Variants in NBAS observed in about 807,000 individuals in gnomAD.
NBAS encodes the protein NAG/BC035112 fusion.
A neutral mutation model predicts 302.5 loss-of-function variants in NBAS; 219 were observed. That is an observed-to-expected ratio of 0.72 (90% CI 0.65 to 0.81). NBAS has a LOEUF of 0.81. Among genes scored for constraint, NBAS ranks in the 30% least tolerant of loss-of-function variants. The pLI is 0.00. For synonymous variants in NBAS, 1,118 were observed against 1,021.6 expected, an observed-to-expected ratio of 1.09 and a Z score of -1.80; for missense variants, 2,932 against 2,841.6, an observed-to-expected ratio of 1.03 and a Z score of -0.72.
intron 19 of NBAS, among the ~76,000 whole-genome samples, chr2:15,464,142 T>C (rs903951646): frequency 3.9e-5 from 6 of 152,090 alleles, no homozygotes; most frequent in South Asian, 2.1e-4. Context: ...ACCTAAAAAA[T>C]TGACAAACTC....
chr2:15,272,497 G>A (rs548722101), intron 44 of NBAS, among the ~76,000 whole-genome samples: 1 of 152,180 alleles, frequency 6.6e-6, no homozygotes, highest in East Asian at 1.9e-4. Context: ...ATATAGGGCA[G>A]CATTGTGTGC....
chr2:15,469,551 G>A (rs995428994), intron 16 of NBAS, among the ~76,000 whole-genome samples: 4 of 152,000 alleles, frequency 2.6e-5, no homozygotes, highest in Non-Finnish European at 5.9e-5. Context: ...TGTTTATAGC[G>A]ACACTACTCA....
the NBAS span, among the ~76,000 whole-genome samples, chr2:14,822,817 TAAAACG>T: frequency 6.6e-6 from 1 of 152,234 alleles, no homozygotes; most frequent in Admixed American, 6.5e-5. Flanking sequence ...TTAAAATCAC[TAAAACG>T]AGGCTATCAC....
rs1667709473 is a variant in NBAS at position 15,238,522 on chromosome 2, G to A, written c.5889C>T (p.Ala1963=). The part of the protein sequence containing the change: ...DTLNHLEKSL[A]HLETLSHSFI... ...AGCTGTGGCTCAGGGTTTCCAGGTG[G>A]GCAAGTGATTTCTCCAGATGATTCA... The change falls in exon 45 of 52, where the codon GCC becomes GCT. Residue 1963 remains alanine, a synonymous_variant. Coordinates refer to ENST00000281513, the MANE Select transcript of NBAS (RefSeq NM_015909.4). 1.9e-6 allele frequency: 3 copies of A among 1,613,998 alleles called. No individual in the cohort carries two copies. The highest frequency in any genetic ancestry group is 1.3e-5 in the African/African-American group (1 of 74,922).
the NBAS span, among the ~76,000 whole-genome samples, chr2:14,879,748 A>G: frequency 2.0e-5 from 3 of 152,226 alleles, no homozygotes; most frequent in South Asian, 6.2e-4. Context: ...TGTAAGCAGT[A>G]AAATAAAGAT....
chr2:14,909,303 G>C, the NBAS span, among the ~76,000 whole-genome samples: 2 of 127,282 alleles, frequency 1.6e-5, no homozygotes, highest in Non-Finnish European at 3.2e-5. Flanking sequence ...CTGGGTGACA[G>C]AGCGAGACTC....
intron 44 of NBAS, among the ~76,000 whole-genome samples, chr2:15,263,608 T>G (rs889441123): frequency 1.3e-5 from 2 of 152,218 alleles, no homozygotes; most frequent in Non-Finnish European, 2.9e-5. Context: ...TTATTTCATG[T>G]TTTTATTAAA....
At chr2:15,332,007 T>C (rs1672377815) in intron 35 of NBAS, among the ~76,000 whole-genome samples, 2 of 151,808 alleles carry the variant, frequency 1.3e-5, no homozygotes, top group African/African-American at 2.4e-5. Flanking sequence ...GCAGGAGAGA[T>C]TTGAAGCAGG....
intron 16 of NBAS, among the ~76,000 whole-genome samples, chr2:15,470,805 C>T (rs972708385): frequency 5.9e-5 from 9 of 151,966 alleles, no homozygotes; most frequent in African/African-American, 2.2e-4. Flanking sequence ...ACTAAAAATA[C>T]AAAAATTAGC....
chr2:15,366,628 T>G lies in NBAS; in HGVS notation c.3769A>C (p.Lys1257Gln). The change falls in exon 32 of 52, where the codon AAA (lysine) becomes CAA (glutamine). Residue 1257 changes from lysine to glutamine, a missense_variant. Coordinates refer to ENST00000281513, the MANE Select transcript of NBAS (RefSeq NM_015909.4). ...AGGCCCAGAAGCTTGGTGGATTGTT[T>G]ATAGCATGTGGGGGACTGGGAAATA... ...ECISQSPTCY[K>Q]QSTKLLGLAE... 6.2e-7 allele frequency: 1 copy of G among 1,614,104 alleles called. No individual in the cohort carries two copies. The highest frequency in any genetic ancestry group is 8.5e-7 in the Non-Finnish European group (1 of 1,180,002).
At chr2:14,858,358 C>G in the NBAS span, among the ~76,000 whole-genome samples, 1 of 152,110 alleles carries the variant, frequency 6.6e-6, no homozygotes, top group Admixed American at 6.6e-5. Context: ...GATATCTGCA[C>G]TCCATATTCA....
chr2:15,325,327 T>A (rs999843981), intron 38 of NBAS, among the ~76,000 whole-genome samples: 2 of 152,140 alleles, frequency 1.3e-5, no homozygotes, highest in Admixed American at 6.6e-5. Flanking sequence ...AAGCATGCAA[T>A]AACATTATGT....
At chr2:15,385,650 G>A (rs1675255205) in intron 28 of NBAS, among the ~76,000 whole-genome samples, 1 of 152,244 alleles carries the variant, frequency 6.6e-6, no homozygotes, top group South Asian at 2.1e-4. Context: ...GTGTACTCAA[G>A]TTCGTAAAAC....
the NBAS span, among the ~76,000 whole-genome samples, chr2:15,113,125 T>G: frequency 6.6e-6 from 1 of 152,272 alleles, no homozygotes; most frequent in Non-Finnish European, 1.5e-5. Context: ...AAGAATGTTT[T>G]GTGTGAATGT....
At chr2:14,909,694 A>C in the NBAS span, among the ~76,000 whole-genome samples, 1 of 152,206 alleles carries the variant, frequency 6.6e-6, no homozygotes, top group Non-Finnish European at 1.5e-5. Flanking sequence ...TGGTGATAAA[A>C]CAATGTGCCA....
intron 1 of NBAS, among the ~76,000 whole-genome samples, chr2:15,560,913 T>C (rs550916116): frequency 2.0e-5 from 3 of 152,080 alleles, no homozygotes; most frequent in Admixed American, 2.0e-4. Flanking sequence ...AGAGCGAAAC[T>C]GAGAACCAAA....
At chr2:15,360,103 T>TA (rs1180777255) in intron 32 of NBAS, among the ~76,000 whole-genome samples, 1 of 151,888 alleles carries the variant, frequency 6.6e-6, no homozygotes, top group African/African-American at 2.4e-5. Context: ...GTACAAAAGA[T>TA]AAAAAATGGT....
chr2:15,515,160 C>T (rs1241010908), intron 9 of NBAS, among the ~76,000 whole-genome samples: 1 of 151,834 alleles, frequency 6.6e-6, no homozygotes, highest in Non-Finnish European at 1.5e-5. Flanking sequence ...CTGCTGAGTG[C>T]AGGGCAATGT....
chr2:15,447,072 A>G (rs1457786095), intron 21 of NBAS, among the ~76,000 whole-genome samples: 1 of 152,224 alleles, frequency 6.6e-6, no homozygotes, highest in Non-Finnish European at 1.5e-5. Context: ...ACGAATACCA[A>G]ATGCCAACAC....
Sources: allele counts gnomAD v4.1 joint callset (sites outside exome capture counted in the v4.1 genomes callset), GRCh38; gene constraint gnomAD v4.1.1; transcripts MANE v1.5; gene names NCBI Gene and HGNC (gene_info 2026-07-23, HGNC 2026-07-21).